The following FANCC variants were observed in gnomAD, a reference collection of about 807,000 sequenced individuals.
The protein encoded by FANCC is Fanconi anemia group C protein.
A neutral mutation model predicts 71.3 loss-of-function variants in FANCC; 55 were observed. That is an observed-to-expected ratio of 0.77 (90% CI 0.62 to 0.97). The LOEUF (loss-of-function observed/expected upper bound fraction) is 0.97. FANCC is among the 50% of genes least tolerant of loss of function. The probability of loss-of-function intolerance (pLI) is 0.00; values close to 1 mark genes in which losing one functional copy is unlikely to be tolerated. For synonymous variants in FANCC, 275 were observed against 244.9 expected (o/e 1.12, Z -1.15); for missense variants, 678 against 670.9 (o/e 1.01, Z -0.12).
rs756424726 is a variant in FANCC, at chr9:95,267,420, CCAGA to C, written c.-78-18055_-78-18052del. On this transcript the variant is annotated intron_variant, in intron 1 of 14. Coordinates refer to ENST00000289081, the MANE Select transcript of FANCC (RefSeq NM_000136.3). ...GTTCTGCACCCAGGCTCCATGGAAGCCAGACAGAGACAAGCAGAATGAGGCTACA... is the reference window on the plus strand; with the variant it reads ...GTTCTGCACCCAGGCTCCATGGAAGCCAGAGACAAGCAGAATGAGGCTACA... 3.8e-4 allele frequency among the ~76,000 whole-genome samples: 58 copies of C among 152,054 alleles called. 1 individual carries two copies. The highest frequency in any genetic ancestry group is 3.4e-3 in the Middle Eastern group (1 of 294).
intron 10 of FANCC, among the ~76,000 whole-genome samples, chr9:95,122,113 C>T (rs1214876696): frequency 6.6e-6 from 1 of 152,092 alleles, no homozygotes; most frequent in Admixed American, 6.6e-5. Context: ...CTGCCTCGAC[C>T]TCCCAAAGTG....
intron 7 of FANCC, 154 bp from the exon 8 acceptor site, chr9:95,135,656 T>C (rs996289361): frequency 4.6e-6 from 3 of 657,850 alleles, no homozygotes; most frequent in Non-Finnish European, 8.0e-6. Flanking sequence ...AGTGAATATT[T>C]ACCAAGTGCT....
At chr9:95,122,330 T>C (rs189142187) in intron 10 of FANCC, among the ~76,000 whole-genome samples, 2 of 152,062 alleles carry the variant, frequency 1.3e-5, no homozygotes, top group Admixed American at 6.5e-5. Flanking sequence ...AAATATGACA[T>C]GAAGGGTTTT....
At chr9:95,305,249 C>T (rs1835005674) in intron 1 of FANCC, among the ~76,000 whole-genome samples, 1 of 152,208 alleles carries the variant, frequency 6.6e-6, no homozygotes, top group South Asian at 2.1e-4. Context: ...TCAGCACTTC[C>T]AGTGGACCCC....
Position 95,101,687 on chromosome 9 carries a change from C to T in FANCC, c.*20G>A, listed in dbSNP as rs888378164. On this transcript the variant is annotated 3_prime_UTR_variant, in exon 15 of 15. Transcript: ENST00000289081. ...GAGCCTGATCCCTCACGCCGGGCACCCACACGGCCTGCGTGCCTTCTAGAC... is the reference window on the plus strand; with the variant it reads ...GAGCCTGATCCCTCACGCCGGGCACTCACACGGCCTGCGTGCCTTCTAGAC... 6.2e-7 allele frequency: 1 copy of T among 1,613,172 alleles called. No individual in the cohort carries two copies. The highest frequency in any genetic ancestry group is 8.5e-7 in the Non-Finnish European group (1 of 1,179,882).
At chr9:95,232,628 C>G (rs1830075600) in intron 4 of FANCC, among the ~76,000 whole-genome samples, 1 of 151,864 alleles carries the variant, frequency 6.6e-6, no homozygotes. Context: ...TTTTTATGCC[C>G]CAAACAATGT....
At chr9:95,192,505 G>A (rs1827177107) in intron 4 of FANCC, among the ~76,000 whole-genome samples, 1 of 152,156 alleles carries the variant, frequency 6.6e-6, no homozygotes, top group African/African-American at 2.4e-5. Context: ...TTTTCAAAGT[G>A]AGGATATAAC....
chr9:95,135,831 C>G (rs1427171057), intron 7 of FANCC, among the ~76,000 whole-genome samples: 1 of 152,214 alleles, frequency 6.6e-6, no homozygotes, highest in Non-Finnish European at 1.5e-5. Flanking sequence ...TGCCCAGTCC[C>G]TAACTGAAGA....
At chr9:95,314,576 C>T (rs539838631) in intron 1 of FANCC, among the ~76,000 whole-genome samples, 172 of 151,826 alleles carry the variant, frequency 1.1e-3, no homozygotes, top group Non-Finnish European at 2.1e-3. Flanking sequence ...CGCTTGAACC[C>T]GGGAGGCGGA....
At chr9:95,189,516 G>C (rs184800610) in intron 4 of FANCC, among the ~76,000 whole-genome samples, 2 of 122,706 alleles carry the variant, frequency 1.6e-5, no homozygotes, top group Non-Finnish European at 3.3e-5. Flanking sequence ...TTGCTTGCTC[G>C]CTCATTAGTT....
At position 95,220,180 on chromosome 9, in the gene FANCC, A is replaced by G. The variant is rs576347955; in HGVS notation, c.345+20469T>C. 1.1e-4 allele frequency among the ~76,000 whole-genome samples: 17 copies of G among 152,324 alleles called. No individual in the cohort carries two copies. In the South Asian group the frequency reaches 2.7e-3, roughly 24 times the overall value. ...AAACCACAATGAGATACCATCTCAC[A>G]CCAGTTAGAATGGCAATCATTAAAA... On this transcript the variant is annotated intron_variant, in intron 4 of 14. Transcript: ENST00000289081.
chr9:95,198,460 C>T (rs1234018488), intron 4 of FANCC, among the ~76,000 whole-genome samples: 1 of 152,148 alleles, frequency 6.6e-6, no homozygotes, highest in African/African-American at 2.4e-5. Flanking sequence ...GTTCTGGCAT[C>T]CTCTGACTTC....
intron 4 of FANCC, among the ~76,000 whole-genome samples, chr9:95,238,921 T>C (rs1217690571): frequency 1.3e-5 from 2 of 152,140 alleles, no homozygotes; most frequent in Non-Finnish European, 1.5e-5. Context: ...AAACCTTCTA[T>C]AGTCATATGC....
At position 95,101,742 on chromosome 9, in the gene FANCC, G is replaced by A. The variant is rs104886457; in HGVS notation, c.1642C>T (p.Arg548Ter). ...IESPRSEKLA[R>*]ELLKELRTQV is the part of the protein sequence containing the mutation. ...GTTCGCAGCTCTTTAAGGAGCTCTC[G>A]GGCCAGTTTTTCTGATCTAGGGCTT... The change falls in exon 15 of 15, where the codon CGA becomes TGA. Residue 548 changes from arginine (R) to a stop codon, truncating the protein, a stop_gained. Coordinates refer to ENST00000289081, the MANE Select transcript of FANCC (RefSeq NM_000136.3). LOFTEE classifies it high-confidence loss of function. 150 of 1,613,944 alleles carry A rather than the reference G, an allele frequency of 9.3e-5. No homozygotes were observed. The highest frequency in any genetic ancestry group is 1.6e-4 in the South Asian group (15 of 91,072).
intron 4 of FANCC, among the ~76,000 whole-genome samples, chr9:95,177,353 G>A (rs1826073693): frequency 6.6e-6 from 1 of 152,224 alleles, no homozygotes; most frequent in Non-Finnish European, 1.5e-5. Flanking sequence ...AATGGAGCCT[G>A]AAGAACTGGA....
In FANCC at chr9:95,292,632, G is replaced by C. The variant is rs562291843; in HGVS notation, c.-79+24894C>G. ...CCGCAAGATCCTGCCCAACAGCCCC[G>C]CGCTCAACATGCACCTGGTCAAGAG... On this transcript the variant is annotated intron_variant, in intron 1 of 14. Coordinates refer to ENST00000289081, the MANE Select transcript of FANCC (RefSeq NM_000136.3). 4.2e-6 allele frequency: 6 copies of C among 1,413,000 alleles called. No individual in the cohort carries two copies. The East Asian group carries it at 1.1e-4, about 27-fold the overall frequency. The allele number at this position is 1,413,000 out of a possible 1,614,324, so 87.5% of individuals were successfully genotyped here. A position where few individuals can be genotyped will look rare whatever the true frequency, so the allele number is the denominator to read the frequency against.
At chr9:95,247,350 GA>G in intron 3 of FANCC, 81 bp downstream of exon 3, 1 of 1,014,996 alleles carries the variant, frequency 9.9e-7, no homozygotes, top group Non-Finnish European at 1.5e-6. Flanking sequence ...AAAACTAGGA[GA>G]AAGGTTCATA....
chr9:95,106,989 A>G, intron 14 of FANCC, 77 bp downstream of exon 14: 1 of 1,424,902 alleles, frequency 7.0e-7, no homozygotes, highest in Non-Finnish European at 9.8e-7. Flanking sequence ...TGCAGAGGCC[A>G]GACCCTCGGA....
chr9:95,282,117 AT>A (rs1471618659), intron 1 of FANCC, among the ~76,000 whole-genome samples: 1 of 152,038 alleles, frequency 6.6e-6, no homozygotes, highest in Non-Finnish European at 1.5e-5. Context: ...AGCTAAATGG[AT>A]TTAAAAAAAA....
Sources: gnomAD v4.1 joint callset for allele counts (sites outside exome capture counted in the v4.1 genomes callset) on GRCh38, gnomAD v4.1.1 for gene constraint, MANE v1.5 for transcripts, NCBI Gene and HGNC (gene_info 2026-07-23, HGNC 2026-07-21) for gene names.